FBXO11: variants seen among roughly 807,000 people sequenced by gnomAD.
FBXO11 encodes F-box only protein 11.
FBXO11 carries 13 observed loss-of-function variants against 117.0 expected under a neutral mutation model. The observed-to-expected ratio is 0.11, with a 90% CI of 0.07 to 0.18. The LOEUF is 0.18. FBXO11 is among the 10% of genes least tolerant of loss of function. The pLI is 1.00. For missense variants in FBXO11, 767 were observed against 1,164.4 expected, an observed-to-expected ratio of 0.66 and a Z score of 4.97; for synonymous variants, 490 against 380.5, an observed-to-expected ratio of 1.29 and a Z score of -3.35.
chr2:47,820,480 G>T (rs1338488175), intron 13 of FBXO11, 24 bp from the exon 14 acceptor site: 1 of 1,560,188 alleles, frequency 6.4e-7, no homozygotes, highest in Non-Finnish European at 8.8e-7. Flanking sequence ...AAAGTTACAA[G>T]GTCAACATTT....
At chr2:47,885,036 G>A (rs1676715765) in intron 1 of FBXO11, among the ~76,000 whole-genome samples, 1 of 152,138 alleles carries the variant, frequency 6.6e-6, no homozygotes, top group Non-Finnish European at 1.5e-5. Context: ...AAGCATTCAG[G>A]ACAGTGAATA....
intron 1 of FBXO11, among the ~76,000 whole-genome samples, chr2:47,892,419 T>A (rs1158189240): frequency 2.0e-5 from 3 of 152,248 alleles, no homozygotes; most frequent in Admixed American, 2.0e-4. Flanking sequence ...CCTAGCCCCC[T>A]AAAACCAGGG....
chr2:47,827,498 G>C (rs142708167), intron 11 of FBXO11, among the ~76,000 whole-genome samples: 16 of 152,142 alleles, frequency 1.1e-4, no homozygotes, highest in African/African-American at 3.6e-4. Flanking sequence ...GTAGAGATGG[G>C]GTTTCACTAT....
At position 47,807,227 on chromosome 2, in the gene FBXO11, C is replaced by A. The variant is rs1670275623; in HGVS notation, c.*891G>T. ...TTTGTCTAAACTGTTCAAAAAAAAA[C>A]TATGAACAGAGTTCAAATACAGGAC... is the stretch of plus-strand genomic sequence containing the variant. On this transcript the variant is annotated 3_prime_UTR_variant, in exon 23 of 23. Transcript: ENST00000403359. The A allele has an allele frequency of 4.1e-6, 1 of 243,924 alleles. No homozygotes were observed. Among genetic ancestry groups the A allele is most frequent in the South Asian group, 1.2e-4 (1 of 8,170 alleles). 15.1% of individuals were successfully genotyped at this position (243,924 alleles called of 1,614,324 possible).
chr2:47,896,771 GTAGTA>G (rs1323195992), intron 1 of FBXO11, among the ~76,000 whole-genome samples: 1 of 152,208 alleles, frequency 6.6e-6, no homozygotes, highest in Non-Finnish European at 1.5e-5. Context: ...TAAGTGTGAA[GTAGTA>G]TAGTGGCTAC....
At chr2:47,820,031 G>A (rs891772734) in intron 14 of FBXO11, among the ~76,000 whole-genome samples, 6 of 152,134 alleles carry the variant, frequency 3.9e-5, no homozygotes, top group African/African-American at 9.7e-5. Flanking sequence ...TAAAATTCTG[G>A]TGTAACAAAT....
chr2:47,814,551 G>A (rs963771820), intron 16 of FBXO11, among the ~76,000 whole-genome samples: 1 of 151,854 alleles, frequency 6.6e-6, no homozygotes, highest in Non-Finnish European at 1.5e-5. Context: ...GTTAATTTTT[G>A]TATTTTTTGT....
intron 1 of FBXO11, among the ~76,000 whole-genome samples, chr2:47,850,821 T>C (rs1192323292): frequency 6.6e-6 from 1 of 152,204 alleles, no homozygotes; most frequent in East Asian, 1.9e-4. Context: ...TTTTCTCTCA[T>C]TGCTTTTGGG....
rs1245557932 is a variant in FBXO11, at chr2:47,885,512, C to A, written c.232+19977G>T. Among the ~76,000 whole-genome samples, 3 of 151,826 alleles carry A rather than the reference C, an allele frequency of 2.0e-5. No homozygotes were observed. In the East Asian group the frequency reaches 5.8e-4, roughly 29 times the overall value. ...AACACTTGAACCCAGGAGGTGGAGGCTGCAGTGAGCCGAGCTCACACCACT... is the reference window on the plus strand; with the variant it reads ...AACACTTGAACCCAGGAGGTGGAGGATGCAGTGAGCCGAGCTCACACCACT... On this transcript the variant is annotated intron_variant, in intron 1 of 22. Transcript: ENST00000403359.
chr2:47,822,340 A>AGAT, intron 12 of FBXO11, 37 bp from the exon 13 acceptor site: 3 of 1,365,050 alleles, frequency 2.2e-6, no homozygotes, highest in Non-Finnish European at 3.1e-6. Context: ...GAAGACATCT[A>AGAT]TTCAGCCAAA....
At chr2:47,835,618 C>T (rs559774802) in intron 5 of FBXO11, among the ~76,000 whole-genome samples, 36 of 152,212 alleles carry the variant, frequency 2.4e-4, no homozygotes, top group African/African-American at 8.7e-4. Flanking sequence ...CTGCCTTAGC[C>T]TCCGAAGTAG....
intron 11 of FBXO11, among the ~76,000 whole-genome samples, chr2:47,829,994 G>A (rs942340726): frequency 6.6e-6 from 1 of 151,964 alleles, no homozygotes; most frequent in Non-Finnish European, 1.5e-5. Flanking sequence ...AATAGCAGCA[G>A]AAAAACAAAA....
intron 1 of FBXO11, among the ~76,000 whole-genome samples, chr2:47,850,162 G>A (rs192975233): frequency 5.2e-4 from 79 of 152,292 alleles, no homozygotes; most frequent in Admixed American, 4.2e-3. Context: ...GGGTATGGTG[G>A]GCTGGGGGTG....
At chr2:47,822,177 T>C (rs1178244992) in intron 13 of FBXO11, 41 bp downstream of exon 13, 3 of 1,336,638 alleles carry the variant, frequency 2.2e-6, no homozygotes, top group Non-Finnish European at 1.1e-6. Flanking sequence ...CAAGAAGACA[T>C]ACAAATCTAT....
intron 1 of FBXO11, among the ~76,000 whole-genome samples, chr2:47,849,654 A>G (rs1289536402): frequency 1.3e-5 from 2 of 152,240 alleles, no homozygotes; most frequent in Admixed American, 6.5e-5. Context: ...TATTGAGGGA[A>G]TATTTAAGAA....
intron 1 of FBXO11, among the ~76,000 whole-genome samples, chr2:47,854,550 T>C (rs568840422): frequency 6.6e-6 from 1 of 152,234 alleles, no homozygotes; most frequent in South Asian, 2.1e-4. Flanking sequence ...GCTGTATGAC[T>C]GGACAAGTCA....
At chr2:47,830,264 A>G (rs1672082228) in intron 11 of FBXO11, among the ~76,000 whole-genome samples, 1 of 152,208 alleles carries the variant, frequency 6.6e-6, no homozygotes, top group Non-Finnish European at 1.5e-5. Context: ...GCTACAATAG[A>G]AAAATGTCTA....
At chr2:47,878,311 G>C (rs1462147425) in intron 1 of FBXO11, among the ~76,000 whole-genome samples, 2 of 151,954 alleles carry the variant, frequency 1.3e-5, no homozygotes, top group East Asian at 1.9e-4. Flanking sequence ...AACAGATTTT[G>C]ATAGATTCAT....
rs773113676 is a variant in FBXO11 at position 47,839,693 on chromosome 2, T to C, written c.309A>G (p.Arg103=). 6.2e-6 allele frequency: 10 copies of C among 1,614,194 alleles called. No homozygotes were observed. Among genetic ancestry groups the C allele is most frequent in the Non-Finnish European group, 6.8e-6 (8 of 1,180,040 alleles). ...GAQNSPYQLR[R]KTLLPKRTAC... is the part of the protein sequence containing the mutation. ...CTGTTCTTTTCGGCAAAAGAGTTTT[T>C]CTACGAAGTTGGTATGGACTATTTT... The change falls in exon 2 of 23, where the codon AGA becomes AGG. Residue 103 remains arginine (R), a synonymous_variant. Transcript: ENST00000403359.
Sources: gnomAD v4.1 joint callset for allele counts (sites outside exome capture counted in the v4.1 genomes callset) on GRCh38, gnomAD v4.1.1 for gene constraint, MANE v1.5 for transcripts, NCBI Gene and HGNC (gene_info 2026-07-23, HGNC 2026-07-21) for gene names.